The following CAPN8 variants were observed in gnomAD, a reference collection of about 807,000 sequenced individuals.
The protein encoded by CAPN8 is calpain 8.
In CAPN8, 87 loss-of-function variants were observed where a neutral mutation model predicts 80.9. The ratio of observed to expected loss-of-function variants is 1.07; its 90% CI spans 0.90 to 1.28. The LOEUF is 1.28. Among genes scored for constraint, CAPN8 ranks in the 50% most tolerant of loss-of-function variants. CAPN8 has a pLI of 0.00. For missense variants in CAPN8, 757 were observed against 702.0 expected, an observed-to-expected ratio of 1.08 and a Z score of -0.89; for synonymous variants, 299 against 273.8, an observed-to-expected ratio of 1.09 and a Z score of -0.91.
chr1:223,621,521 C>T (rs544740212), intron 7 of CAPN8, among the ~76,000 whole-genome samples: 1 of 152,110 alleles, frequency 6.6e-6, no homozygotes, highest in Non-Finnish European at 1.5e-5. Flanking sequence ...TTCAATTTCA[C>T]GTGGCCCTGT....
At chr1:223,609,759 G>A (rs980924014) in intron 11 of CAPN8, among the ~76,000 whole-genome samples, 18 of 152,210 alleles carry the variant, frequency 1.2e-4, no homozygotes, top group African/African-American at 4.3e-4. Context: ...GCCCAAGGCT[G>A]GAGAAAAGAG....
intron 2 of CAPN8, among the ~76,000 whole-genome samples, chr1:223,637,082 G>A (rs575799631): frequency 6.5e-4 from 99 of 152,250 alleles, no homozygotes; most frequent in Admixed American, 1.8e-3. Context: ...TGAAGACTTC[G>A]CGTATATCAT....
chr1:223,653,617 A>G (rs1658399910), intron 2 of CAPN8, among the ~76,000 whole-genome samples: 1 of 152,122 alleles, frequency 6.6e-6, no homozygotes, highest in African/African-American at 2.4e-5. Flanking sequence ...CTCAAATTCA[A>G]TTCAGAGCCA....
intron 2 of CAPN8, among the ~76,000 whole-genome samples, chr1:223,652,137 A>G (rs915206456): frequency 6.6e-6 from 1 of 152,160 alleles, no homozygotes; most frequent in African/African-American, 2.4e-5. Context: ...GTTTTAAAAA[A>G]ATCCCAGCCT....
intron 13 of CAPN8, among the ~76,000 whole-genome samples, chr1:223,555,944 A>G (rs1171948465): frequency 1.3e-5 from 2 of 152,234 alleles, no homozygotes; most frequent in African/African-American, 4.8e-5. Context: ...TTCTCAAGGA[A>G]CGTACTATAG....
intron 14 of CAPN8, among the ~76,000 whole-genome samples, chr1:223,552,593 C>T (rs1656822213): frequency 6.6e-6 from 1 of 151,394 alleles, no homozygotes; most frequent in Non-Finnish European, 1.5e-5. Context: ...ACTTGAGGCC[C>T]CTTTAAAAAG....
rs1260054304 is a variant in CAPN8 at position 223,615,885 on chromosome 1, G to A, written c.1311+85C>T. On this transcript the variant is annotated intron_variant, in intron 10 of 20. Coordinates refer to ENST00000366872, the MANE Select transcript of CAPN8 (RefSeq NM_001143962.2). ...TCGATTAGGAATACTCCAGCAATAG[G>A]AAAGATGTGCTACAATGACTGGCCA... 2.0e-6 allele frequency: 3 copies of A among 1,485,018 alleles called. No individual in the cohort carries two copies. In the Admixed American group the frequency reaches 5.9e-5, roughly 29 times the overall value. 92.0% of individuals were successfully genotyped at this position (1,485,018 alleles called of 1,614,324 possible).
intron 2 of CAPN8, among the ~76,000 whole-genome samples, chr1:223,647,807 C>T (rs1012124277): frequency 4.1e-4 from 62 of 152,236 alleles, no homozygotes; most frequent in African/African-American, 1.4e-3. Context: ...TAATGCTGTG[C>T]TTTTCTATTA....
intron 16 of CAPN8, 134 bp downstream of exon 16, chr1:223,549,184 A>G: frequency 1.7e-6 from 2 of 1,147,504 alleles, no homozygotes; most frequent in South Asian, 3.2e-5. Context: ...ACAATCCTTG[A>G]CATATGCTCC....
chr1:223,552,725 CCT>C (rs1656825650), intron 14 of CAPN8, among the ~76,000 whole-genome samples: 4 of 152,274 alleles, frequency 2.6e-5, no homozygotes, highest in Admixed American at 2.6e-4. Context: ...AGCTCCTTAA[CCT>C]CTCTGTGCAG....
At chr1:223,553,019 G>C (rs1480939131) in intron 14 of CAPN8, among the ~76,000 whole-genome samples, 1 of 152,096 alleles carries the variant, frequency 6.6e-6, no homozygotes. Context: ...TTCCTGCAAG[G>C]GATTCTGATA....
At chr1:223,633,319 T>C (rs1031503173) in intron 2 of CAPN8, among the ~76,000 whole-genome samples, 1 of 151,922 alleles carries the variant, frequency 6.6e-6, no homozygotes, top group Non-Finnish European at 1.5e-5. Context: ...TTGAATCTAT[T>C]CTAGGGAGAC....
At chr1:223,642,665 A>G (rs1452662149) in intron 2 of CAPN8, 1 of 389,032 alleles carries the variant, frequency 2.6e-6, no homozygotes, top group African/African-American at 2.1e-5. Context: ...TTTGAATCAG[A>G]AGCCATTTTT....
intron 2 of CAPN8, among the ~76,000 whole-genome samples, chr1:223,653,639 A>C (rs4993742): frequency 0.033 from 4,959 of 152,198 alleles, 116 homozygotes; most frequent in Non-Finnish European, 0.051. Flanking sequence ...GTTGCCCATA[A>C]AATGTAAGGA....
intron 2 of CAPN8, among the ~76,000 whole-genome samples, chr1:223,647,193 T>C (rs1007559235): frequency 1.2e-4 from 18 of 152,192 alleles, no homozygotes; most frequent in Non-Finnish European, 2.9e-5. Context: ...GAGCCCAGCA[T>C]TCCTGTAAGG....
chr1:223,627,635 G>A (rs1657628806), intron 4 of CAPN8, among the ~76,000 whole-genome samples: 1 of 152,236 alleles, frequency 6.6e-6, no homozygotes, highest in South Asian at 2.1e-4. Flanking sequence ...TGAGGAAAGA[G>A]CAGACACTTT....
In CAPN8 at chr1:223,627,304, C is replaced by T. The variant is rs1039001964; in HGVS notation, c.561-147G>A. 4.7e-6 allele frequency: 4 copies of T among 849,690 alleles called. No homozygotes were observed. In the African/African-American group the frequency reaches 5.1e-5, roughly 11 times the overall value. 52.6% of individuals were successfully genotyped at this position (849,690 alleles called of 1,614,324 possible). Reference sequence around the variant, plus strand: ...ATTTTGCCTATGGGCCAGGAAGGTGCTTAGGCCACTGTTTCATGTGCCCAG... The same window carrying T: ...ATTTTGCCTATGGGCCAGGAAGGTGTTTAGGCCACTGTTTCATGTGCCCAG... On this transcript the variant is annotated intron_variant, in intron 4 of 20. Transcript: ENST00000366872.
At chr1:223,659,036 T>C (rs187124337) in intron 1 of CAPN8, among the ~76,000 whole-genome samples, 50 of 152,236 alleles carry the variant, frequency 3.3e-4, no homozygotes, top group African/African-American at 1.2e-3. Context: ...CTAATAACAA[T>C]CATGTCTTTT....
At chr1:223,663,378 G>T (rs750345251) in intron 1 of CAPN8, among the ~76,000 whole-genome samples, 11 of 152,106 alleles carry the variant, frequency 7.2e-5, no homozygotes, top group Admixed American at 1.3e-4. Flanking sequence ...GATCTGCAAT[G>T]GTACCCCTCC....
Sources: allele counts gnomAD v4.1 joint callset (sites outside exome capture counted in the v4.1 genomes callset), GRCh38; gene constraint gnomAD v4.1.1; transcripts MANE v1.5; gene names NCBI Gene and HGNC (gene_info 2026-07-23, HGNC 2026-07-21).